CNIH3: variants seen among roughly 807,000 people sequenced by gnomAD.
CNIH3 encodes the protein cornichon family AMPA receptor auxiliary protein 3, also known as protein cornichon homolog 3.
Under a neutral mutation model 24.1 loss-of-function variants are expected in CNIH3, and 14 were observed. The ratio of observed to expected loss-of-function variants is 0.58; its 90% CI spans 0.38 to 0.91. The LOEUF is 0.91. Ranked by LOEUF, CNIH3 falls within the 40% of genes least tolerant of loss-of-function variation. The probability of loss-of-function intolerance (pLI) is 0.00; values close to 1 mark genes in which losing one functional copy is unlikely to be tolerated. For synonymous variants in CNIH3, 68 were observed against 73.8 expected, an observed-to-expected ratio of 0.92 and a Z score of 0.40; for missense variants, 178 against 196.8, an observed-to-expected ratio of 0.90 and a Z score of 0.57.
At chr1:224,576,655 A>T (rs1431674570) in intron 4 of CNIH3, among the ~76,000 whole-genome samples, 1 of 152,148 alleles carries the variant, frequency 6.6e-6, no homozygotes, top group East Asian at 1.9e-4. Context: ...GTATACTATG[A>T]TTATTATTTC....
chr1:224,445,588 AAAAAAAAAG>A (rs1438516424), intron 1 of CNIH3, among the ~76,000 whole-genome samples: 1 of 148,892 alleles, frequency 6.7e-6, no homozygotes, highest in African/African-American at 2.5e-5. Flanking sequence ...AAAAAAAAAA[AAAAAAAAAG>A]AAAGATTGTG....
Position 224,494,543 on chromosome 1 carries a change from A to G in CNIH3, n.204-21198A>G, listed in dbSNP as rs796446148. On this transcript the variant is annotated intron_variant and non_coding_transcript_variant, in intron 1 of 5. Coordinates refer to the CNIH3 transcript ENST00000471578. ...CCTGACAGTCCTGATTTTTGAGTTCACATTCCTGCCAAATCTTTGCTTGTG... is the reference window on the plus strand; with the variant it reads ...CCTGACAGTCCTGATTTTTGAGTTCGCATTCCTGCCAAATCTTTGCTTGTG... Among the ~76,000 whole-genome samples, 8 of 152,300 alleles carry G rather than the reference A, an allele frequency of 5.3e-5. No homozygotes were observed. In the East Asian group the frequency reaches 1.2e-3, roughly 22 times the overall value.
intron 1 of CNIH3, among the ~76,000 whole-genome samples, chr1:224,475,366 AGAAAAG>A (rs1199715002): frequency 4.2e-4 from 62 of 148,598 alleles, no homozygotes; most frequent in African/African-American, 1.5e-3. Context: ...AAAAAAAAAA[AGAAAAG>A]AAAAGAAAAG....
chr1:224,552,098 C>G lies in CNIH3; in HGVS notation n.450+5159C>G, dbSNP rs116179623. ...GGGGTGAACACACATGGAGAACACC[C>G]TCGGTGGTATTAGAAGTCATATATC... On this transcript the variant is annotated intron_variant and non_coding_transcript_variant, in intron 3 of 5. Coordinates refer to the CNIH3 transcript ENST00000471578. 4.7e-3 allele frequency among the ~76,000 whole-genome samples: 711 copies of G among 151,234 alleles called. 9 individuals are homozygous for G. Among genetic ancestry groups the G allele is most frequent in the African/African-American group, 0.015 (631 of 41,274 alleles).
At chr1:224,706,965 T>A (rs1023442939) in intron 3 of CNIH3, among the ~76,000 whole-genome samples, 1 of 138,052 alleles carries the variant, frequency 7.2e-6, no homozygotes, top group Non-Finnish European at 1.6e-5. Context: ...TTTCTTTTTT[T>A]TTTTTTTTTT....
intron 3 of CNIH3, among the ~76,000 whole-genome samples, chr1:224,549,260 C>A (rs1218899822): frequency 1.3e-5 from 2 of 152,044 alleles, no homozygotes; most frequent in Non-Finnish European, 2.9e-5. Context: ...CTTAATATCA[C>A]AGTGTGTACT....
chr1:224,662,399 G>T (rs1685406784), intron 1 of CNIH3, among the ~76,000 whole-genome samples: 1 of 152,050 alleles, frequency 6.6e-6, no homozygotes. Context: ...TAACTCAGAA[G>T]ATTCAGCTCT....
At chr1:224,553,270 A>T (rs1437020528) in intron 3 of CNIH3, among the ~76,000 whole-genome samples, 3 of 150,996 alleles carry the variant, frequency 2.0e-5, no homozygotes, top group Admixed American at 2.0e-4. Context: ...TCCCTTAGAT[A>T]TTACAAATAA....
chr1:224,483,647 C>G (rs527704436), intron 1 of CNIH3, among the ~76,000 whole-genome samples: 242 of 151,824 alleles, frequency 1.6e-3, no homozygotes, highest in African/African-American at 5.7e-3. Context: ...ATCCGCCCAC[C>G]TTGGCATCCC....
At chr1:224,472,389 C>A (rs1390542406) in intron 1 of CNIH3, among the ~76,000 whole-genome samples, 2 of 152,080 alleles carry the variant, frequency 1.3e-5, no homozygotes, top group Non-Finnish European at 2.9e-5. Flanking sequence ...GCCCAAATGT[C>A]CATTAATCTA....
chr1:224,556,075 C>T (rs781410856), intron 3 of CNIH3, among the ~76,000 whole-genome samples: 1 of 152,014 alleles, frequency 6.6e-6, no homozygotes, highest in Admixed American at 6.6e-5. Context: ...TCTCAAAGTG[C>T]TCTCATTTAC....
chr1:224,450,452 G>C (rs1267645292), intron 1 of CNIH3, among the ~76,000 whole-genome samples: 2 of 152,186 alleles, frequency 1.3e-5, no homozygotes, highest in African/African-American at 4.8e-5. Flanking sequence ...GCTGAGATCT[G>C]AATGAACTAC....
At chr1:224,574,559 C>T in intron 4 of CNIH3, 9 of 761,464 alleles carry the variant, frequency 1.2e-5, no homozygotes, top group Non-Finnish European at 2.2e-5. Flanking sequence ...GGTACTGCCA[C>T]ATCGACTGTG....
chr1:224,484,585 A>C (rs974090268), intron 1 of CNIH3, among the ~76,000 whole-genome samples: 1 of 152,166 alleles, frequency 6.6e-6, no homozygotes, highest in African/African-American at 2.4e-5. Context: ...AAATTCACCC[A>C]AATTTTAGCC....
rs146965328 is a variant in CNIH3, at chr1:224,713,138, C to T, written c.199-17324C>T. Among the ~76,000 whole-genome samples the T allele has an allele frequency of 3.9e-4, 59 of 152,354 alleles. No homozygotes were observed. The East Asian group carries it at 9.8e-3, about 25-fold the overall frequency. On this transcript the variant is annotated intron_variant, in intron 3 of 5. Coordinates refer to ENST00000272133, the MANE Select transcript of CNIH3 (RefSeq NM_152495.2). The stretch of plus-strand genomic sequence containing the variant: ...CTGTTATTGAGCTCTGGATCTTCAG[C>T]AGCTGGTCAACCAGGTATCAAACAC...
At chr1:224,702,870 T>A (rs563245967) in intron 3 of CNIH3, among the ~76,000 whole-genome samples, 1 of 152,250 alleles carries the variant, frequency 6.6e-6, no homozygotes, top group South Asian at 2.1e-4. Context: ...TCCCCACTCC[T>A]CGGGCCCTGT....
chr1:224,661,266 C>A, intron 1 of CNIH3: 1 of 309,040 alleles, frequency 3.2e-6, no homozygotes, highest in South Asian at 3.9e-5. Context: ...CTTGACCATT[C>A]TTGACAATCC....
intron 1 of CNIH3, among the ~76,000 whole-genome samples, chr1:224,485,458 A>G (rs946835961): frequency 6.6e-6 from 1 of 151,414 alleles, no homozygotes; most frequent in African/African-American, 2.4e-5. Context: ...CTTTTCCCAC[A>G]CCTTCTTTCC....
chr1:224,590,222 T>C (rs140603600), downstream of CNIH3, among the ~76,000 whole-genome samples: 1,516 of 152,304 alleles, frequency 1.0e-2, 13 homozygotes, highest in Admixed American at 0.014. Flanking sequence ...AAGTAGACCA[T>C]GAATAAATGT....
Sources: gnomAD v4.1 joint callset for allele counts (sites outside exome capture counted in the v4.1 genomes callset) on GRCh38, gnomAD v4.1.1 for gene constraint, MANE v1.5 for transcripts, NCBI Gene and HGNC (gene_info 2026-07-23, HGNC 2026-07-21) for gene names.